Variants in CCDC91 observed in about 807,000 individuals in gnomAD.
The protein encoded by CCDC91 is coiled-coil domain-containing protein 91.
Under a neutral mutation model 63.2 loss-of-function variants are expected in CCDC91, and 48 were observed. The ratio of observed to expected loss-of-function variants is 0.76; its 90% confidence interval spans 0.60 to 0.97. The LOEUF is 0.97. Ranked by LOEUF, CCDC91 falls within the 50% of genes least tolerant of loss-of-function variation. The pLI is 0.00. For synonymous variants in CCDC91, 167 were observed against 165.8 expected, an observed-to-expected ratio of 1.01 and a Z score of -0.06; for missense variants, 500 against 494.6, an observed-to-expected ratio of 1.01 and a Z score of -0.10.
chr12:28,482,752 T>G (rs767053173), intron 11 of CCDC91, among the ~76,000 whole-genome samples: 2 of 151,862 alleles, frequency 1.3e-5, no homozygotes, highest in Non-Finnish European at 2.9e-5. Flanking sequence ...TTTAAATCCT[T>G]TGGCCAAAAA....
intron 1 of CCDC91, chr12:28,236,619 A>G (rs1944966062): frequency 1.3e-5 from 2 of 152,024 alleles, no homozygotes; most frequent in African/African-American, 4.8e-5. Flanking sequence ...GTTACCTTCA[A>G]ATTAGCCACT....
Position 28,293,102 on chromosome 12 carries a change from A to G in CCDC91, c.110-12547A>G, listed in dbSNP as rs185217325. On this transcript the variant is annotated intron_variant, in intron 3 of 12. Transcript: ENST00000536442. ...TTCAAAATACATAGTGATTAAGTCA[A>G]AGATTATTAATATACATTATAAAAA... Among the ~76,000 whole-genome samples the G allele has an allele frequency of 9.2e-5, 14 of 152,338 alleles. No individual in the cohort carries two copies. The East Asian group carries it at 2.7e-3, about 29-fold the overall frequency.
chr12:28,296,250 C>T (rs542383939), intron 3 of CCDC91, among the ~76,000 whole-genome samples: 1 of 151,448 alleles, frequency 6.6e-6, no homozygotes, highest in Non-Finnish European at 1.5e-5. Context: ...GATTACGAGG[C>T]CTCTTCCTCT....
chr12:28,502,160 C>T (rs183234004), intron 12 of CCDC91, among the ~76,000 whole-genome samples: 1 of 151,980 alleles, frequency 6.6e-6, no homozygotes, highest in African/African-American at 2.4e-5. Context: ...AAAACCAGCT[C>T]ATGATTGTAT....
chr12:28,527,446 G>T (rs1014349324), intron 12 of CCDC91, among the ~76,000 whole-genome samples: 2 of 152,226 alleles, frequency 1.3e-5, no homozygotes, highest in Non-Finnish European at 2.9e-5. Context: ...AGAGTCCTGT[G>T]ATGTGAACCA....
At chr12:28,385,445 AAC>A (rs1945542366) in intron 7 of CCDC91, among the ~76,000 whole-genome samples, 1 of 152,150 alleles carries the variant, frequency 6.6e-6, no homozygotes, top group Non-Finnish European at 1.5e-5. Flanking sequence ...CAGTGAGGTA[AAC>A]ACAGATTCCT....
At chr12:28,353,775 A>C (rs2138321571) in intron 6 of CCDC91, among the ~76,000 whole-genome samples, 1 of 152,310 alleles carries the variant, frequency 6.6e-6, no homozygotes, top group East Asian at 1.9e-4. Flanking sequence ...CTAATAATGA[A>C]AAATTTTGAA....
intron 3 of CCDC91, among the ~76,000 whole-genome samples, chr12:28,277,394 C>T (rs1233296965): frequency 1.3e-5 from 2 of 151,950 alleles, no homozygotes; most frequent in Admixed American, 6.6e-5. Context: ...TTAGCTAATT[C>T]AGTTATTTAA....
chr12:28,532,793 A>G (rs1157382036), intron 12 of CCDC91, among the ~76,000 whole-genome samples: 2 of 152,110 alleles, frequency 1.3e-5, no homozygotes, highest in Non-Finnish European at 2.9e-5. Flanking sequence ...AGACCACTGA[A>G]TTAAATCAAT....
chr12:28,416,741 G>A (rs1185488941), intron 8 of CCDC91, among the ~76,000 whole-genome samples: 1 of 152,094 alleles, frequency 6.6e-6, no homozygotes, highest in Non-Finnish European at 1.5e-5. Flanking sequence ...AGGAGCCAGG[G>A]TCAAGGCCTA....
chr12:28,396,154 C>A (rs919172916), intron 8 of CCDC91, among the ~76,000 whole-genome samples: 4 of 152,112 alleles, frequency 2.6e-5, no homozygotes, highest in Non-Finnish European at 5.9e-5. Flanking sequence ...TGAGTTCTCT[C>A]AAAGTTAAGG....
intron 12 of CCDC91, among the ~76,000 whole-genome samples, chr12:28,528,650 C>T (rs1054393529): frequency 6.6e-5 from 10 of 152,120 alleles, no homozygotes; most frequent in African/African-American, 2.4e-4. Context: ...TGCCTCCCGT[C>T]TGCCATGATC....
intron 12 of CCDC91, among the ~76,000 whole-genome samples, chr12:28,502,185 A>T (rs1177050237): frequency 1.3e-5 from 2 of 151,820 alleles, no homozygotes; most frequent in African/African-American, 2.4e-5. Flanking sequence ...AGAAAACCCC[A>T]TTGTCTCAGC....
intron 3 of CCDC91, among the ~76,000 whole-genome samples, chr12:28,267,832 TA>T (rs1324923084): frequency 7.9e-4 from 15 of 18,994 alleles, no homozygotes; most frequent in African/African-American, 1.9e-3. Flanking sequence ...TATTAATATA[TA>T]ATTATATATA....
intron 3 of CCDC91, among the ~76,000 whole-genome samples, chr12:28,285,211 G>C (rs1406797003): frequency 6.6e-6 from 1 of 152,150 alleles, no homozygotes; most frequent in Non-Finnish European, 1.5e-5. Context: ...TCATAACCAA[G>C]TGAGAAGTTT....
intron 8 of CCDC91, among the ~76,000 whole-genome samples, chr12:28,441,655 G>A (rs1949220559): frequency 6.9e-6 from 1 of 144,310 alleles, no homozygotes; most frequent in South Asian, 2.1e-4. Context: ...TCTCATATGT[G>A]TATATATATA....
At chr12:28,367,862 G>A (rs1944374553) in intron 7 of CCDC91, among the ~76,000 whole-genome samples, 1 of 151,874 alleles carries the variant, frequency 6.6e-6, no homozygotes, top group Admixed American at 6.6e-5. Context: ...AATGTAGGTG[G>A]GCAACATCCA....
chr12:28,485,587 A>C (rs776126710), intron 12 of CCDC91, among the ~76,000 whole-genome samples: 5 of 152,154 alleles, frequency 3.3e-5, no homozygotes, highest in Non-Finnish European at 7.4e-5. Context: ...CTTCCTAAGT[A>C]GTCTTTCCAG....
Position 28,484,048 on chromosome 12 carries a change from A to G in CCDC91, c.1102-4A>G, listed in dbSNP as rs377134542. 3.9e-5 allele frequency: 62 copies of G among 1,602,174 alleles called. No individual in the cohort carries two copies. The highest frequency in any genetic ancestry group is 1.7e-4 in the Middle Eastern group (1 of 6,044). On this transcript the variant is annotated splice_polypyrimidine_tract_variant and splice_region_variant and intron_variant, in intron 11 of 12. Transcript: ENST00000536442. ...CTGACTGTTTTGCCTTCTCCCACAA[A>G]CAGGAAACTGTTAAGGCAGCAATAA...
Sources: allele counts gnomAD v4.1 joint callset (sites outside exome capture counted in the v4.1 genomes callset), GRCh38; gene constraint gnomAD v4.1.1; transcripts MANE v1.5; gene names NCBI Gene and HGNC (gene_info 2026-07-23, HGNC 2026-07-21).